Variants in EEF1D observed in about 807,000 individuals in gnomAD.
The protein encoded by EEF1D is elongation factor 1-delta.
Under a neutral mutation model 63.9 loss-of-function variants are expected in EEF1D, and 47 were observed. That is an observed-to-expected ratio of 0.74 (90% CI 0.58 to 0.94). EEF1D has a LOEUF of 0.94. Ranked by LOEUF, EEF1D falls within the 40% of genes least tolerant of loss-of-function variation. The pLI, the probability that EEF1D is intolerant of heterozygous loss-of-function variation, is 0.00. For missense variants in EEF1D, 907 were observed against 899.0 expected, an observed-to-expected ratio of 1.01 and a Z score of -0.11; for synonymous variants, 412 against 386.1, an observed-to-expected ratio of 1.07 and a Z score of -0.79.
At chr8:143,587,878 C>T (rs947101245) in intron 3 of EEF1D, among the ~76,000 whole-genome samples, 2 of 152,184 alleles carry the variant, frequency 1.3e-5, no homozygotes, top group Admixed American at 6.5e-5. Context: ...TGGAGTTTGC[C>T]GCCCCCCACC....
rs199981785 is a variant in EEF1D at position 143,586,178 on chromosome 8, C to A, written c.1287+41G>T. 42 of 1,576,114 alleles carry A rather than the reference C, an allele frequency of 2.7e-5. 1 individual carries two copies. The East Asian group carries it at 8.3e-4, about 31-fold the overall frequency. The stretch of plus-strand genomic sequence containing the variant: ...AGGAAAAATCAGACATGCTGCTTGG[C>A]CGAGCAGGAGCCCGCAGGTCCGTGG... On this transcript the variant is annotated intron_variant, in intron 5 of 9. Transcript: ENST00000618139.
Position 143,579,848 on chromosome 8 carries a change from G to A in EEF1D, c.1906-18C>T, listed in dbSNP as rs537151221. On this transcript the variant is annotated intron_variant, in intron 9 of 9. Coordinates refer to ENST00000618139, the MANE Select transcript of EEF1D (RefSeq NM_001130053.5). ...CTCTGCACCTGAGGAGAGGCGGAGG[G>A]TGACGGTCAGGGCTGTTCCCCTACA... is the stretch of plus-strand genomic sequence containing the variant. 6.4e-6 allele frequency: 10 copies of A among 1,553,014 alleles called. No individual in the cohort carries two copies. The African/African-American group carries it at 8.2e-5, about 13-fold the overall frequency.
At chr8:143,580,342 T>G in intron 8 of EEF1D, 136 bp from the exon 9 acceptor site, 1 of 1,238,440 alleles carries the variant, frequency 8.1e-7, no homozygotes, top group Non-Finnish European at 1.1e-6. Context: ...ACAATCCAAA[T>G]TCACACCTTC....
rs1429858972 is a variant in EEF1D at position 143,580,187 on chromosome 8, A to G, written c.1730T>C (p.Met577Thr). Residue 577 changes from methionine to threonine, a missense_variant, in exon 9 of 10, where the codon ATG (methionine) becomes ACG (threonine). Coordinates refer to ENST00000618139, the MANE Select transcript of EEF1D (RefSeq NM_001130053.5). ...DVKPWDDETD[M>T]AQLEACVRSI... ...GCGCACACAGGCCTCCAGCTGGGCCATGTCCGTCTCATCATCCCACTGTGG... is the reference window on the plus strand; with the variant it reads ...GCGCACACAGGCCTCCAGCTGGGCCGTGTCCGTCTCATCATCCCACTGTGG... 6.2e-7 allele frequency: 1 copy of G among 1,613,482 alleles called. No individual in the cohort carries two copies. The highest frequency in any genetic ancestry group is 2.2e-5 in the East Asian group (1 of 44,874).
In EEF1D at chr8:143,589,359, T is replaced by G. The variant is rs1031564357; in HGVS notation, c.723A>C (p.Ala241=). The G allele has an allele frequency of 6.4e-7, 1 of 1,568,378 alleles. No homozygotes were observed. The highest frequency in any genetic ancestry group is 1.2e-5 in the South Asian group (1 of 86,684). ...EVWLEKPRYD[A]AERGFYEALF... Reference sequence around the variant, plus strand: ...GGGCCTCGTAGAAGCCCCTCTCGGCTGCATCATACCGGGGCTTCTCCAGCC... The same window carrying G: ...GGGCCTCGTAGAAGCCCCTCTCGGCGGCATCATACCGGGGCTTCTCCAGCC... Residue 241 remains alanine (A), a synonymous_variant, in exon 3 of 10, where the codon GCA becomes GCC. Coordinates refer to ENST00000618139, the MANE Select transcript of EEF1D (RefSeq NM_001130053.5).
At chr8:143,588,887 C>G (rs866790682) in intron 3 of EEF1D, 104 bp downstream of exon 3, 1 of 1,428,214 alleles carries the variant, frequency 7.0e-7, no homozygotes, top group African/African-American at 1.4e-5. Flanking sequence ...GGGGAGCCCC[C>G]ACCCCAGGTG....
intron 2 of EEF1D, chr8:143,590,600 G>A (rs1827781674): frequency 9.6e-7 from 1 of 1,039,042 alleles, no homozygotes; most frequent in Non-Finnish European, 1.2e-6. Context: ...CACCCTCAAA[G>A]TTCTTACAAA....
chr8:143,593,928 A>T (rs1057556), intron 1 of EEF1D: 67 of 985,214 alleles, frequency 6.8e-5, no homozygotes, highest in Middle Eastern at 1.0e-3. Flanking sequence ...TGAGCTTCAA[A>T]GCTTGCGCAG....
intron 2 of EEF1D, chr8:143,592,309 T>C (rs1397014262): frequency 2.0e-6 from 2 of 982,550 alleles, no homozygotes; most frequent in African/African-American, 3.5e-5. Context: ...GACTATGTTC[T>C]TGGGGGCTCC....
At chr8:143,588,715 C>A in intron 3 of EEF1D, 1 of 489,006 alleles carries the variant, frequency 2.0e-6, no homozygotes, top group Admixed American at 3.9e-5. Flanking sequence ...AAGAGGGACC[C>A]TGGGCAAGGC....
At position 143,580,098 on chromosome 8, in the gene EEF1D, G is replaced by A. The variant is rs774124635; in HGVS notation, c.1819C>T (p.Arg607Trp). The part of the protein sequence containing the change: ...SKLVPVGYGI[R>W]KLQIQCVVED... The stretch of plus-strand genomic sequence containing the variant: ...ACCACACACTGAATCTGTAGCTTCC[G>A]GATACCGTAGCCCACGGGCACCAGC... The change falls in exon 9 of 10, where the codon CGG (arginine) becomes TGG (tryptophan). Residue 607 changes from arginine to tryptophan, a missense_variant. Transcript: ENST00000618139. 209 of 1,613,824 alleles carry A rather than the reference G, an allele frequency of 1.3e-4. No homozygotes were observed. In the Admixed American group the frequency reaches 2.1e-3, roughly 16 times the overall value.
intron 5 of EEF1D, chr8:143,583,273 A>G (rs1362735816): frequency 1.3e-5 from 2 of 152,308 alleles, no homozygotes; most frequent in African/African-American, 2.4e-5. Flanking sequence ...TCCAGCCTCC[A>G]GAGCTGTGAG....
chr8:143,592,320 G>T, intron 2 of EEF1D: 1 of 970,638 alleles, frequency 1.0e-6, no homozygotes, highest in Non-Finnish European at 1.2e-6. Context: ...TGGGGGCTCC[G>T]GGCAGAAGCC....
At position 143,589,726 on chromosome 8, in the gene EEF1D, T is replaced by C; in HGVS notation, c.356A>G (p.Asp119Gly). The C allele has an allele frequency of 2.6e-6, 4 of 1,523,684 alleles. No homozygotes were observed. Among genetic ancestry groups the C allele is most frequent in the Non-Finnish European group, 3.5e-6 (4 of 1,136,054 alleles). The allele number at this position is 1,523,684 out of a possible 1,614,324, so 94.4% of individuals were successfully genotyped here. A position where few individuals can be genotyped will look rare whatever the true frequency, so the allele number is the denominator to read the frequency against. ...ERVWLDKSLF[D>G]QAESSYRQKL... is the part of the protein sequence containing the mutation. ...CTGGCGGTAGGAGCTCTCTGCCTGGTCGAAAAGTGACTTGTCCAGCCACAC... is the reference window on the plus strand; with the variant it reads ...CTGGCGGTAGGAGCTCTCTGCCTGGCCGAAAAGTGACTTGTCCAGCCACAC... Residue 119 changes from aspartate to glycine, a missense_variant, in exon 3 of 10, where the codon GAC (aspartate) becomes GGC (glycine). Physicochemically the swap from Asp to Gly is moderately conservative, Grantham distance 94 (BLOSUM62 -1). Transcript: ENST00000618139.
chr8:143,588,764 T>C (rs1827210807), intron 3 of EEF1D: 1 of 621,818 alleles, frequency 1.6e-6, no homozygotes, highest in Non-Finnish European at 2.7e-6. Flanking sequence ...CCTGCCCTCA[T>C]CCAGGCAGCC....
intron 1 of EEF1D, among the ~76,000 whole-genome samples, chr8:143,594,716 G>C (rs1215184710): frequency 6.6e-6 from 1 of 152,302 alleles, no homozygotes; most frequent in African/African-American, 2.4e-5. Flanking sequence ...ACCCCTCTCC[G>C]GCCCACCTGG....
At chr8:143,586,146 C>G in intron 5 of EEF1D, 73 bp downstream of exon 5, 1 of 1,434,838 alleles carries the variant, frequency 7.0e-7, no homozygotes, top group South Asian at 1.2e-5. Context: ...AAACAACCAG[C>G]AGCATCAGGA....
At position 143,589,505 on chromosome 8, in the gene EEF1D, T is replaced by C. The variant is rs1827473556; in HGVS notation, c.577A>G (p.Arg193Gly). 1.3e-6 allele frequency: 2 copies of C among 1,516,716 alleles called. No individual in the cohort carries two copies. The highest frequency in any genetic ancestry group is 2.6e-5 in the South Asian group (2 of 77,910). 94.0% of individuals were successfully genotyped at this position (1,516,716 alleles called of 1,614,324 possible). Residue 193 changes from arginine (R) to glycine (G), a missense_variant, in exon 3 of 10, where the codon AGG becomes GGG. Coordinates refer to ENST00000618139, the MANE Select transcript of EEF1D (RefSeq NM_001130053.5). ...TGGCCTGTGTTGGGAGTCCCCTGCCTGCGGCTGCCGTCGGGGGCCAGCAAC... is the reference window on the plus strand; with the variant it reads ...TGGCCTGTGTTGGGAGTCCCCTGCCCGCGGCTGCCGTCGGGGGCCAGCAAC... ...ALLLAPDGSR[R>G]QGTPNTGQQV... is the part of the protein sequence containing the mutation.
chr8:143,582,738 G>A (rs1825802414), intron 5 of EEF1D: 1 of 152,246 alleles, frequency 6.6e-6, no homozygotes, highest in African/African-American at 2.4e-5. Context: ...CTGACTCAGG[G>A]GGGACTAGGG....
Sources: gnomAD v4.1 joint callset for allele counts (sites outside exome capture counted in the v4.1 genomes callset) on GRCh38, gnomAD v4.1.1 for gene constraint, MANE v1.5 for transcripts, NCBI Gene and HGNC (gene_info 2026-07-23, HGNC 2026-07-21) for gene names.